PAX2: variants seen among roughly 807,000 people sequenced by gnomAD.
The protein encoded by PAX2 is paired box protein Pax-2.
PAX2 carries 9 observed loss-of-function variants against 41.7 expected under a neutral mutation model. The observed-to-expected ratio is 0.22, with a 90% CI of 0.13 to 0.38. The LOEUF (loss-of-function observed/expected upper bound fraction) is 0.38, where lower values mean the gene tolerates loss of function less well. PAX2 is among the 10% of genes least tolerant of loss of function. The pLI is 1.00. For synonymous variants in PAX2, 221 were observed against 212.7 expected, an observed-to-expected ratio of 1.04 and a Z score of -0.34; for missense variants, 418 against 531.6, an observed-to-expected ratio of 0.79 and a Z score of 2.10.
chr10:100,799,384 C>A (rs1056814357), intron 5 of PAX2, among the ~76,000 whole-genome samples: 10 of 152,224 alleles, frequency 6.6e-5, no homozygotes, highest in Non-Finnish European at 1.5e-4. Context: ...AGCCTGTTTC[C>A]TCGTTTGTAA....
chr10:100,805,467 CAG>C (rs1446568263), intron 5 of PAX2, among the ~76,000 whole-genome samples: 1 of 152,094 alleles, frequency 6.6e-6, no homozygotes, highest in African/African-American at 2.4e-5. Context: ...GGTGTGGGTT[CAG>C]AGAGAGGCCA....
chr10:100,821,120 AAAG>A (rs1427401301), intron 7 of PAX2, among the ~76,000 whole-genome samples: 1 of 152,256 alleles, frequency 6.6e-6, no homozygotes, highest in Non-Finnish European at 1.5e-5. Context: ...AGGCTTGCTC[AAAG>A]AATGCTGCTG....
In PAX2 at chr10:100,791,043, A is replaced by C. The variant is rs1847095816; in HGVS notation, c.616+9678A>C. Among the ~76,000 whole-genome samples, 1 of 152,182 alleles carries C rather than the reference A, an allele frequency of 6.6e-6. No homozygotes were observed. The highest frequency in any genetic ancestry group is 2.1e-4 in the South Asian group (1 of 4,838). On this transcript the variant is annotated intron_variant, in intron 5 of 9. Coordinates refer to ENST00000355243, the MANE Select transcript of PAX2 (RefSeq NM_000278.5). The surrounding 1 kb of genome is among the most constrained non-coding windows in gnomAD (Gnocchi z 4.5). ...AGACAACAGAGGCCTCACAAACCTC[A>C]ACCTGCACGGAGGCCTGGCCTTCCC... is the stretch of plus-strand genomic sequence containing the variant.
chr10:100,772,085 G>C (rs57183920), intron 3 of PAX2, among the ~76,000 whole-genome samples: 1 of 151,564 alleles, frequency 6.6e-6, no homozygotes. Context: ...GATTACAGGC[G>C]TGAGCCACTG....
At chr10:100,810,865 C>G (rs181880800) in intron 7 of PAX2, among the ~76,000 whole-genome samples, 208 of 152,318 alleles carry the variant, frequency 1.4e-3, no homozygotes, top group East Asian at 5.0e-3. Flanking sequence ...CCGCCTCCCC[C>G]CCATGGCCCT....
intron 3 of PAX2, among the ~76,000 whole-genome samples, chr10:100,754,762 C>G (rs1845571675): frequency 6.6e-6 from 1 of 152,214 alleles, no homozygotes; most frequent in African/African-American, 2.4e-5. Context: ...GTCTGTTTCT[C>G]CCTCTCTGAA....
At chr10:100,782,892 A>T (rs1403603595) in intron 5 of PAX2, among the ~76,000 whole-genome samples, 1 of 152,212 alleles carries the variant, frequency 6.6e-6, no homozygotes, top group Non-Finnish European at 1.5e-5. Context: ...AATCTGCCTC[A>T]AACCCTAAAG....
At chr10:100,787,053 A>G in intron 5 of PAX2, 2 of 1,183,060 alleles carry the variant, frequency 1.7e-6, no homozygotes, top group Non-Finnish European at 2.4e-6. Context: ...GTCAAGGGAA[A>G]TAGCTTGGGG....
At chr10:100,752,302 A>C (rs1845471073) in intron 3 of PAX2, among the ~76,000 whole-genome samples, 1 of 152,248 alleles carries the variant, frequency 6.6e-6, no homozygotes, top group South Asian at 2.1e-4. Flanking sequence ...TTGAAAGCAT[A>C]GCGATTTGAC....
Position 100,793,610 on chromosome 10 carries a change from G to A in PAX2, c.616+12245G>A, listed in dbSNP as rs183373986. ...AGTAAATGTGCTGGTACAATTCCCCGGGGTTCTAGGTTTCCTCCATATCTC... is the reference window on the plus strand; with the variant it reads ...AGTAAATGTGCTGGTACAATTCCCCAGGGTTCTAGGTTTCCTCCATATCTC... On this transcript the variant is annotated intron_variant, in intron 5 of 9. Transcript: ENST00000355243. Among the ~76,000 whole-genome samples the A allele has an allele frequency of 5.8e-4, 88 of 152,302 alleles. 1 individual carries two copies. Among genetic ancestry groups the A allele is most frequent in the African/African-American group, 1.8e-3 (76 of 41,560 alleles).
intron 7 of PAX2, among the ~76,000 whole-genome samples, chr10:100,820,054 ACT>A (rs1418851259): frequency 1.3e-5 from 2 of 152,134 alleles, no homozygotes; most frequent in Admixed American, 6.5e-5. Flanking sequence ...CTCCACTACC[ACT>A]GTTTCTTGAA....
rs1466536891 is a variant in PAX2 at position 100,797,827 on chromosome 10, CAGG to C, written c.617-8600_617-8598del. 2.0e-5 allele frequency among the ~76,000 whole-genome samples: 3 copies of C among 152,096 alleles called. No homozygotes were observed. In the East Asian group the frequency reaches 5.8e-4, roughly 29 times the overall value. ...GAGCAACAAAACTAGGATTTCAATC[CAGG>C]AGATGTTACTTCTGGTCCAGCATTG... On this transcript the variant is annotated intron_variant, in intron 5 of 9. Transcript: ENST00000355243.
chr10:100,745,433 C>G (rs76438429), upstream of PAX2, among the ~76,000 whole-genome samples: 336 of 152,090 alleles, frequency 2.2e-3, no homozygotes, highest in African/African-American at 7.8e-3. Context: ...CTCGCCGAAG[C>G]TCGGGGCTCC....
intron 3 of PAX2, among the ~76,000 whole-genome samples, chr10:100,751,434 A>G (rs548998257): frequency 5.9e-5 from 9 of 152,316 alleles, no homozygotes; most frequent in African/African-American, 2.2e-4. Context: ...AACAAATGCC[A>G]ACCACCAGCC....
chr10:100,782,906 T>A (rs939886842), intron 5 of PAX2, among the ~76,000 whole-genome samples: 5 of 152,198 alleles, frequency 3.3e-5, no homozygotes, highest in African/African-American at 1.2e-4. Context: ...CCTAAAGGTC[T>A]CTCCCTTAAC....
chr10:100,745,891 T>G lies in PAX2; in HGVS notation c.-370T>G. On this transcript the variant is annotated 5_prime_UTR_variant, in exon 1 of 10. Transcript: ENST00000355243. ...GACCACCGCCTCTCGGATGACCAGG[T>G]TCCAGGGGAGCTGAGCGAGTCGCCT... is the stretch of plus-strand genomic sequence containing the variant. 1.8e-6 allele frequency: 2 copies of G among 1,123,722 alleles called. No individual in the cohort carries two copies. Among genetic ancestry groups the G allele is most frequent in the Non-Finnish European group, 1.1e-6 (1 of 919,736 alleles). 69.6% of individuals were successfully genotyped at this position (1,123,722 alleles called of 1,614,324 possible).
At chr10:100,746,390 C>A in intron 1 of PAX2, 87 bp downstream of exon 1, 1 of 926,236 alleles carries the variant, frequency 1.1e-6, no homozygotes. Flanking sequence ...GCCCCTCGCG[C>A]TCAGGTCCCA....
chr10:100,793,435 G>A (rs1000893430), intron 5 of PAX2, among the ~76,000 whole-genome samples: 8 of 152,118 alleles, frequency 5.3e-5, no homozygotes, highest in African/African-American at 1.4e-4. Flanking sequence ...CCTCCTTGTC[G>A]GTACCCACTC....
intron 1 of PAX2, among the ~76,000 whole-genome samples, chr10:100,738,645 G>A (rs993020210): frequency 1.3e-4 from 20 of 152,268 alleles, no homozygotes; most frequent in African/African-American, 4.8e-4. Flanking sequence ...TTATCCGCGG[G>A]TCTAGACCTC....
Sources: allele counts gnomAD v4.1 joint callset (sites outside exome capture counted in the v4.1 genomes callset), GRCh38; gene constraint gnomAD v4.1.1; non-coding constraint Gnocchi (gnomAD v3.1); transcripts MANE v1.5; gene names NCBI Gene and HGNC (gene_info 2026-07-23, HGNC 2026-07-21).